OR8J1: variants seen among roughly 807,000 people sequenced by gnomAD.
The protein encoded by OR8J1 is olfactory receptor 8J1.
For synonymous variants in OR8J1, 157 were observed against 144.3 expected (o/e 1.09, Z -0.63); for missense variants, 400 against 373.0 (o/e 1.07, Z -0.60).
chr11:56,359,163 G>A (rs184579433), intron 1 of OR8J1, among the ~76,000 whole-genome samples: 16 of 152,114 alleles, frequency 1.1e-4, no homozygotes, highest in Non-Finnish European at 1.8e-4. Flanking sequence ...CACAACAGGG[G>A]AACTATAAAT....
At position 56,361,015 on chromosome 11, in the gene OR8J1, T is replaced by G; in HGVS notation, c.769T>G (p.Phe257Val). Residue 257 changes from phenylalanine to valine, a missense_variant, in exon 2 of 2, where the codon TTC (phenylalanine) becomes GTC (valine). By Grantham distance (50) the Phe-to-Val change is conservative (BLOSUM62 -1). Coordinates refer to ENST00000533152, the MANE Select transcript of OR8J1 (RefSeq NM_001005205.3). ...CACAATTTTTTATGGGACATTGCTA[T>G]TCATGTATGTGCAGCCCCGAAGTAA... is the stretch of plus-strand genomic sequence containing the variant. The part of the protein sequence containing the change: ...AVTIFYGTLL[F>V]MYVQPRSNHS... 6.7e-7 allele frequency: 1 copy of G among 1,498,286 alleles called. No homozygotes were observed. Among genetic ancestry groups the G allele is most frequent in the African/African-American group, 1.4e-5 (1 of 70,200 alleles). 92.8% of individuals were successfully genotyped at this position (1,498,286 alleles called of 1,614,324 possible).
intron 1 of OR8J1, among the ~76,000 whole-genome samples, chr11:56,359,727 G>A (rs1852607649): frequency 6.6e-6 from 1 of 152,104 alleles, no homozygotes. Flanking sequence ...ATGGTAAAAT[G>A]TATGAGTTAA....
chr11:56,357,677 C>A, intron 1 of OR8J1: 3 of 1,580,210 alleles, frequency 1.9e-6, no homozygotes, highest in Non-Finnish European at 1.7e-6. Flanking sequence ...TGGACAAGAT[C>A]TATGAAGGCC....
rs140351903 is a variant in OR8J1 at position 56,361,099 on chromosome 11, A to G, written c.853A>G (p.Met285Val). ...ASVFYTLVIP[M>V]LNPLIYSLRN... ...TGTGTTTTACACGTTGGTAATTCCT[A>G]TGCTGAATCCCTTGATCTACAGCCT... The change falls in exon 2 of 2, where the codon ATG becomes GTG. Residue 285 changes from methionine (M) to valine (V), a missense_variant. Met to Val is a conservative substitution (Grantham distance 21). Coordinates refer to ENST00000533152, the MANE Select transcript of OR8J1 (RefSeq NM_001005205.3). 2.0e-6 allele frequency: 3 copies of G among 1,513,080 alleles called. No homozygotes were observed. Among genetic ancestry groups the G allele is most frequent in the South Asian group, 1.4e-5 (1 of 70,098 alleles). The allele number at this position is 1,513,080 out of a possible 1,614,324, so 93.7% of individuals were successfully genotyped here.
chr11:56,357,497 A>T, intron 1 of OR8J1: 1 of 861,234 alleles, frequency 1.2e-6, no homozygotes, highest in East Asian at 2.4e-5. Context: ...TAATAAACAG[A>T]TATATCATTT....
Position 56,360,336 on chromosome 11 carries a change from C to A in OR8J1, c.90C>A (p.Val30=). The A allele has an allele frequency of 6.2e-7, 1 of 1,614,038 alleles. No individual in the cohort carries two copies. Among genetic ancestry groups the A allele is most frequent in the Non-Finnish European group, 8.5e-7 (1 of 1,179,988 alleles). ...AGCTCCAGATTCCCCTCTTCCTGGT[C>A]TTTCTGGTGCTCTATGGGCTGACCA... is the stretch of plus-strand genomic sequence containing the variant. ...CPELQIPLFL[V]FLVLYGLTMA... is the part of the protein sequence containing the mutation. The change falls in exon 2 of 2, where the codon GTC becomes GTA. Residue 30 remains valine, a synonymous_variant. Coordinates refer to ENST00000533152, the MANE Select transcript of OR8J1 (RefSeq NM_001005205.3).
intron 1 of OR8J1, among the ~76,000 whole-genome samples, chr11:56,356,471 C>A (rs1854970053): frequency 6.6e-6 from 1 of 152,070 alleles, no homozygotes; most frequent in Non-Finnish European, 1.5e-5. Context: ...GGCATGTTTG[C>A]TAAGGGGGAT....
intron 1 of OR8J1, among the ~76,000 whole-genome samples, chr11:56,356,536 G>T (rs1396186349): frequency 2.0e-5 from 3 of 152,060 alleles, no homozygotes; most frequent in Non-Finnish European, 4.4e-5. Flanking sequence ...CCCAGGGAAG[G>T]CAAGGTAAGA....
intron 1 of OR8J1, among the ~76,000 whole-genome samples, chr11:56,356,826 A>G (rs1854975105): frequency 6.6e-6 from 1 of 152,222 alleles, no homozygotes; most frequent in Admixed American, 6.5e-5. Flanking sequence ...TAAATGTTTC[A>G]TAAGCACATA....
At chr11:56,357,574 C>T in intron 1 of OR8J1, 1 of 1,042,476 alleles carries the variant, frequency 9.6e-7, no homozygotes. Flanking sequence ...CACGAACTGC[C>T]AAAATATGGT....
intron 1 of OR8J1, among the ~76,000 whole-genome samples, chr11:56,357,167 TCA>T (rs1475742095): frequency 5.3e-5 from 8 of 152,196 alleles, no homozygotes; most frequent in Admixed American, 1.3e-4. Flanking sequence ...TCGAGCTTTT[TCA>T]ATCCTATAAT....
In OR8J1 at chr11:56,360,938, C is replaced by A; in HGVS notation, c.692C>A (p.Ser231Ter). 1.4e-6 allele frequency: 2 copies of A among 1,479,340 alleles called. No individual in the cohort carries two copies. Among genetic ancestry groups the A allele is most frequent in the Non-Finnish European group, 1.8e-6 (2 of 1,118,060 alleles). 91.6% of individuals were successfully genotyped at this position (1,479,340 alleles called of 1,614,324 possible). A position where few individuals can be genotyped will look rare whatever the true frequency, so the allele number is the denominator to read the frequency against. The change falls in exon 2 of 2, where the codon TCA (serine) becomes TAA (stop). Residue 231 changes from serine (S) to a stop codon, truncating the protein, a stop_gained. Coordinates refer to ENST00000533152, the MANE Select transcript of OR8J1 (RefSeq NM_001005205.3). LOFTEE classifies it low-confidence loss of function (END_TRUNC). ...IVLSILKICS[S>*]EGRKKAFSTC... Reference sequence around the variant, plus strand: ...TTGTCTATTTTAAAAATATGTTCATCAGAAGGAAGGAAAAAAGCCTTTTCT... The same window carrying A: ...TTGTCTATTTTAAAAATATGTTCATAAGAAGGAAGGAAAAAAGCCTTTTCT...
chr11:56,360,286 C>T lies in OR8J1; in HGVS notation c.40C>T (p.Leu14Phe), dbSNP rs374056669. Residue 14 changes from leucine (L) to phenylalanine (F), a missense_variant, in exon 2 of 2, where the codon CTT (leucine) becomes TTT (phenylalanine). By Grantham distance (22) the Leu-to-Phe change is conservative. Coordinates refer to ENST00000533152, the MANE Select transcript of OR8J1 (RefSeq NM_001005205.3). ...ENFTRVTEFI[L>F]TGVSSCPELQ... is the part of the protein sequence containing the mutation. ...TTTCACCAGAGTCACTGAGTTTATT[C>T]TTACAGGTGTCTCTAGCTGTCCAGA... 2.8e-5 allele frequency: 45 copies of T among 1,597,026 alleles called. No individual in the cohort carries two copies. In the African/African-American group the frequency reaches 5.5e-4, roughly 20 times the overall value.
At chr11:56,360,115 T>A (rs566697826) in intron 1 of OR8J1, 112 bp from the exon 2 acceptor site, 129 of 639,352 alleles carry the variant, frequency 2.0e-4, no homozygotes, top group Middle Eastern at 8.4e-4. Context: ...AATAACTGAG[T>A]TAGAGTAATA....
chr11:56,357,707 T>G (rs1854989125), intron 1 of OR8J1: 2 of 1,584,960 alleles, frequency 1.3e-6, no homozygotes, highest in Non-Finnish European at 1.7e-6. Flanking sequence ...CGACTAGTGA[T>G]GAATACAATG....
At chr11:56,357,116 A>AT (rs542204993) in intron 1 of OR8J1, among the ~76,000 whole-genome samples, 1 of 152,092 alleles carries the variant, frequency 6.6e-6, no homozygotes, top group Non-Finnish European at 1.5e-5. Context: ...CTCTAAACTC[A>AT]TTTTTTGTGG....
In OR8J1 at chr11:56,361,344, T is replaced by C. The variant is rs1852636380; in HGVS notation, c.*147T>C. The C allele has an allele frequency of 2.5e-6, 1 of 400,464 alleles. No homozygotes were observed. The highest frequency in any genetic ancestry group is 4.4e-6 in the Non-Finnish European group (1 of 228,540). The allele number at this position is 400,464 out of a possible 1,614,324, so 24.8% of individuals were successfully genotyped here. ...ACAACAAGATACAATTTAGGGAGCT[T>C]TGAATTAAAAAATAAACTGAAACCC... On this transcript the variant is annotated 3_prime_UTR_variant, in exon 2 of 2. Coordinates refer to ENST00000533152, the MANE Select transcript of OR8J1 (RefSeq NM_001005205.3).
chr11:56,355,479 T>A (rs1854956397), intron 1 of OR8J1, among the ~76,000 whole-genome samples: 1 of 151,924 alleles, frequency 6.6e-6, no homozygotes, highest in East Asian at 2.0e-4. Context: ...AATACAAAAA[T>A]TAGCTGGATA....
At chr11:56,357,727 T>C (rs372343332) in intron 1 of OR8J1, 45 of 1,580,386 alleles carry the variant, frequency 2.8e-5, no homozygotes, top group Admixed American at 1.0e-4. Context: ...GTGGAAAGCA[T>C]TGATGGTCAG....
Sources: allele counts gnomAD v4.1 joint callset (sites outside exome capture counted in the v4.1 genomes callset), GRCh38; gene constraint gnomAD v4.1.1; transcripts MANE v1.5; gene names NCBI Gene and HGNC (gene_info 2026-07-23, HGNC 2026-07-21).